The following TOGARAM1 variants were observed in gnomAD, a reference collection of about 807,000 sequenced individuals.
The protein encoded by TOGARAM1 is TOG array regulator of axonemal microtubules 1.
Under a neutral mutation model 166.6 loss-of-function variants are expected in TOGARAM1, and 100 were observed. The observed-to-expected ratio is 0.60, with a 90% CI of 0.51 to 0.71. The LOEUF is 0.71. Among genes scored for constraint, TOGARAM1 ranks in the 30% least tolerant of loss-of-function variants. TOGARAM1 has a pLI of 0.00. For missense variants in TOGARAM1, 2,029 were observed against 2,102.7 expected, an observed-to-expected ratio of 0.96 and a Z score of 0.69; for synonymous variants, 758 against 763.8, an observed-to-expected ratio of 0.99 and a Z score of 0.13.
At chr14:45,069,824 T>C (rs1447392035) in intron 18 of TOGARAM1, among the ~76,000 whole-genome samples, 5 of 152,144 alleles carry the variant, frequency 3.3e-5, no homozygotes, top group Non-Finnish European at 7.3e-5. Context: ...AAAATCTAAA[T>C]ATACCATGGA....
chr14:45,025,228 G>A (rs1566643753), intron 7 of TOGARAM1, among the ~76,000 whole-genome samples: 2 of 151,978 alleles, frequency 1.3e-5, no homozygotes, highest in African/African-American at 4.8e-5. Context: ...GTGATAAGTC[G>A]CTTGTATGCC....
chr14:44,986,182 A>G (rs1886783853), intron 1 of TOGARAM1, among the ~76,000 whole-genome samples: 1 of 152,234 alleles, frequency 6.6e-6, no homozygotes, highest in African/African-American at 2.4e-5. Context: ...TTGCACAACT[A>G]TATCATACTA....
At chr14:45,024,462 CAT>C (rs1455913171) in intron 7 of TOGARAM1, among the ~76,000 whole-genome samples, 6 of 152,096 alleles carry the variant, frequency 3.9e-5, no homozygotes, top group East Asian at 3.9e-4. Context: ...TAGTGTAAAA[CAT>C]AAAAATATAT....
At chr14:45,063,667 A>G (rs1883008548) in intron 16 of TOGARAM1, among the ~76,000 whole-genome samples, 1 of 151,736 alleles carries the variant, frequency 6.6e-6, no homozygotes, top group Non-Finnish European at 1.5e-5. Context: ...TTTAGTAGAG[A>G]CAGGGTTTCA....
At chr14:45,018,754 G>A (rs1880310350) in intron 7 of TOGARAM1, among the ~76,000 whole-genome samples, 1 of 152,116 alleles carries the variant, frequency 6.6e-6, no homozygotes, top group Non-Finnish European at 1.5e-5. Flanking sequence ...AAGAGAATAC[G>A]ATTTTTCCAT....
chr14:44,981,974 C>G (rs1886563063), intron 1 of TOGARAM1, among the ~76,000 whole-genome samples: 1 of 151,402 alleles, frequency 6.6e-6, no homozygotes, highest in South Asian at 2.1e-4. Flanking sequence ...TCCTGAATAG[C>G]TGGGATTACA....
At chr14:45,017,304 C>T (rs1284072508) in intron 7 of TOGARAM1, among the ~76,000 whole-genome samples, 1 of 151,804 alleles carries the variant, frequency 6.6e-6, no homozygotes. Context: ...TTTGGGCTTC[C>T]CTGAGGAGCC....
At chr14:45,071,600 A>T in intron 18 of TOGARAM1, 112 bp from the exon 19 acceptor site, 1 of 627,286 alleles carries the variant, frequency 1.6e-6, no homozygotes, top group Non-Finnish European at 2.7e-6. Flanking sequence ...TTAAAGTGTT[A>T]TACATTTGCA....
Position 45,046,628 on chromosome 14 carries a change from C to T in TOGARAM1, c.4238C>T (p.Ser1413Phe). ...LEFMEPERIL[S>F]AAKDMAERIL... is the part of the protein sequence containing the mutation. Reference sequence around the variant, plus strand: ...TTTATGGAACCAGAACGTATTTTATCTGCAGCAAAGGATATGGCTGAACGC... The same window carrying T: ...TTTATGGAACCAGAACGTATTTTATTTGCAGCAAAGGATATGGCTGAACGC... Residue 1413 changes from serine to phenylalanine, a missense_variant, in exon 14 of 20, where the codon TCT becomes TTT. This residue lies in a region of TOGARAM1 where 576 missense variants were observed against 670.5 expected (regional missense o/e 0.86). Transcript: ENST00000361462. The T allele has an allele frequency of 2.1e-6, 3 of 1,417,816 alleles. No individual in the cohort carries two copies. The highest frequency in any genetic ancestry group is 2.8e-6 in the Non-Finnish European group (3 of 1,078,414). The allele number at this position is 1,417,816 out of a possible 1,614,324, so 87.8% of individuals were successfully genotyped here. A position where few individuals can be genotyped will look rare whatever the true frequency, so the allele number is the denominator to read the frequency against.
intron 11 of TOGARAM1, among the ~76,000 whole-genome samples, chr14:45,043,178 A>AT (rs558862860): frequency 2.5e-4 from 36 of 144,902 alleles, no homozygotes; most frequent in South Asian, 6.6e-4. Flanking sequence ...TTGCACTTTT[A>AT]TTTTTTTTTT....
rs1166211622 is a variant in TOGARAM1, at chr14:45,027,493, T to G, written c.3504+19T>G. 1 of 1,574,398 alleles carries G rather than the reference T, an allele frequency of 6.4e-7. No homozygotes were observed. On this transcript the variant is annotated intron_variant, in intron 9 of 19. Coordinates refer to ENST00000361462, the MANE Select transcript of TOGARAM1 (RefSeq NM_001308120.2). Reference sequence around the variant, plus strand: ...AAAAGATGTAAGGTTATTTGCTAATTATTAGAATAAATTTAAGCTTACAGT... The same window carrying G: ...AAAAGATGTAAGGTTATTTGCTAATGATTAGAATAAATTTAAGCTTACAGT...
chr14:45,001,756 G>A (rs58582571), intron 3 of TOGARAM1, among the ~76,000 whole-genome samples: 10 of 151,956 alleles, frequency 6.6e-5, no homozygotes, highest in Admixed American at 1.3e-4. Context: ...ATTATTTTCC[G>A]TAACAGTTTT....
chr14:45,033,849 T>G (rs937907662), intron 11 of TOGARAM1, among the ~76,000 whole-genome samples: 15 of 152,234 alleles, frequency 9.9e-5, no homozygotes, highest in Non-Finnish European at 1.5e-4. Context: ...CTAACAAAAT[T>G]ATACAAAATA....
At chr14:44,983,139 C>T (rs1886617455) in intron 1 of TOGARAM1, among the ~76,000 whole-genome samples, 1 of 152,054 alleles carries the variant, frequency 6.6e-6, no homozygotes, top group African/African-American at 2.4e-5. Flanking sequence ...AGGTGTTAAA[C>T]ATGCAAAATG....
Position 44,962,777 on chromosome 14 carries a change from C to A in TOGARAM1, c.356C>A (p.Ala119Asp). The A allele has an allele frequency of 6.2e-7, 1 of 1,612,822 alleles. No homozygotes were observed. The highest frequency in any genetic ancestry group is 1.7e-5 in the Admixed American group (1 of 60,026). The change falls in exon 1 of 20, where the codon GCT becomes GAT. Residue 119 changes from alanine (A) to aspartate (D), a missense_variant. Physicochemically the swap from Ala to Asp is moderately radical, Grantham distance 126 (BLOSUM62 -2). Transcript: ENST00000361462. ...PSEAFQALQA[A>D]LPRRGGRLGF... ...GAGGCCTTCCAGGCTTTGCAAGCTG[C>A]TTTGCCGCGGCGGGGCGGTCGACTT...
At chr14:45,011,890 A>T in intron 6 of TOGARAM1, 85 bp from the exon 7 acceptor site, 1 of 913,592 alleles carries the variant, frequency 1.1e-6, no homozygotes, top group Non-Finnish European at 1.7e-6. Context: ...TCTGTGAGTT[A>T]ATAAGGAGAA....
At chr14:45,032,543 C>T (rs1360843928) in intron 11 of TOGARAM1, among the ~76,000 whole-genome samples, 167 bp downstream of exon 11, 2 of 152,146 alleles carry the variant, frequency 1.3e-5, no homozygotes, top group African/African-American at 2.4e-5. Context: ...TGAACTCTGG[C>T]CCTAATAGTA....
chr14:45,025,966 G>A, intron 8 of TOGARAM1, 94 bp downstream of exon 8: 1 of 615,402 alleles, frequency 1.6e-6, no homozygotes, highest in Non-Finnish European at 2.8e-6. Context: ...TGATTCAAGT[G>A]TTGAGTGGAA....
At chr14:45,024,823 A>C (rs1256953938) in intron 7 of TOGARAM1, among the ~76,000 whole-genome samples, 1 of 152,242 alleles carries the variant, frequency 6.6e-6, no homozygotes, top group Admixed American at 6.5e-5. Flanking sequence ...TAGCATTAGC[A>C]GTTGACAAAA....
Sources: gnomAD v4.1 joint callset for allele counts (sites outside exome capture counted in the v4.1 genomes callset) on GRCh38, gnomAD v4.1.1 for gene constraint, gnomAD v4.1.1 regional missense constraint, MANE v1.5 for transcripts, NCBI Gene and HGNC (gene_info 2026-07-23, HGNC 2026-07-21) for gene names.